PBX3: variants seen among roughly 807,000 people sequenced by gnomAD.
PBX3 encodes PBX homeobox 3.
In PBX3, 14 loss-of-function variants were observed where a neutral mutation model predicts 48.5. The ratio of observed to expected loss-of-function variants is 0.29; its 90% CI spans 0.19 to 0.45. PBX3 has a LOEUF of 0.45. Ranked by LOEUF, PBX3 falls within the 20% of genes least tolerant of loss-of-function variation. The probability of loss-of-function intolerance (pLI) is 1.00; values close to 1 mark genes in which losing one functional copy is unlikely to be tolerated. For synonymous variants in PBX3, 210 were observed against 200.3 expected (o/e 1.05, Z -0.41); for missense variants, 386 against 546.7 (o/e 0.71, Z 2.93).
At chr9:125,962,047 G>T in intron 6 of PBX3, 55 bp from the exon 7 acceptor site, 1 of 870,194 alleles carries the variant, frequency 1.1e-6, no homozygotes, top group Non-Finnish European at 1.9e-6. Flanking sequence ...CTAGGTCTTT[G>T]AGGATTATGT....
chr9:125,793,814 A>G (rs1588152171), intron 2 of PBX3, among the ~76,000 whole-genome samples: 1 of 152,112 alleles, frequency 6.6e-6, no homozygotes, highest in East Asian at 1.9e-4. Context: ...GTTTCTTTGT[A>G]CCCTTTGGGT....
intron 2 of PBX3, among the ~76,000 whole-genome samples, chr9:125,767,580 C>T (rs1485279796): frequency 3.3e-5 from 5 of 152,174 alleles, no homozygotes; most frequent in African/African-American, 1.2e-4. Flanking sequence ...ACCCACTGCT[C>T]ACTTTCTAGA....
At chr9:125,870,475 C>G (rs1173189445) in intron 2 of PBX3, among the ~76,000 whole-genome samples, 1 of 140,296 alleles carries the variant, frequency 7.1e-6, no homozygotes, top group Non-Finnish European at 1.5e-5. Flanking sequence ...TAGACACTGT[C>G]AAACAAACAA....
At chr9:125,841,965 A>T (rs993175732) in intron 2 of PBX3, among the ~76,000 whole-genome samples, 1 of 152,156 alleles carries the variant, frequency 6.6e-6, no homozygotes, top group Admixed American at 6.6e-5. Context: ...AATTTGAGTA[A>T]AAGACTATAT....
intron 2 of PBX3, among the ~76,000 whole-genome samples, chr9:125,899,441 G>A (rs1399955729): frequency 2.6e-5 from 2 of 76,500 alleles, no homozygotes; most frequent in African/African-American, 1.2e-4. Context: ...ATATATGTGT[G>A]TATATATATA....
intron 2 of PBX3, among the ~76,000 whole-genome samples, chr9:125,883,453 T>G (rs978561906): frequency 6.6e-6 from 1 of 152,200 alleles, no homozygotes; most frequent in African/African-American, 2.4e-5. Context: ...TCAGTGGTAC[T>G]TTTTTTCATG....
intron 2 of PBX3, among the ~76,000 whole-genome samples, chr9:125,852,715 A>G (rs1468863898): frequency 6.6e-6 from 1 of 152,158 alleles, no homozygotes; most frequent in Non-Finnish European, 1.5e-5. Context: ...GTTATGAAAC[A>G]TTTCCCAGGA....
At chr9:125,920,185 T>C (rs937102478) in intron 3 of PBX3, among the ~76,000 whole-genome samples, 2 of 152,238 alleles carry the variant, frequency 1.3e-5, no homozygotes, top group African/African-American at 4.8e-5. Flanking sequence ...TGCGGCAAAC[T>C]GTCTTATAGT....
chr9:125,792,442 C>T (rs1837639301), intron 2 of PBX3, among the ~76,000 whole-genome samples: 1 of 151,966 alleles, frequency 6.6e-6, no homozygotes, highest in African/African-American at 2.4e-5. Flanking sequence ...TAGTGGAGAT[C>T]AATTAAATAG....
chr9:125,841,004 A>G (rs147620827), intron 2 of PBX3, among the ~76,000 whole-genome samples: 3 of 152,236 alleles, frequency 2.0e-5, no homozygotes, highest in African/African-American at 7.2e-5. Flanking sequence ...GCATCTAACT[A>G]TATTGTTCTT....
chr9:125,782,326 A>G (rs1378019297), intron 2 of PBX3, among the ~76,000 whole-genome samples: 1 of 152,138 alleles, frequency 6.6e-6, no homozygotes, highest in Non-Finnish European at 1.5e-5. Flanking sequence ...GCCCCCCATG[A>G]TTCAATTACG....
intron 2 of PBX3, among the ~76,000 whole-genome samples, chr9:125,912,279 A>G (rs144107941): frequency 8.5e-5 from 13 of 152,266 alleles, no homozygotes; most frequent in African/African-American, 3.1e-4. Flanking sequence ...ATTAAACTCA[A>G]ACAGCCCCGT....
intron 2 of PBX3, among the ~76,000 whole-genome samples, chr9:125,791,301 G>GTCTGTCTATCTATCTATCTATCTATCTA (rs1179896723): frequency 9.2e-6 from 1 of 108,898 alleles, no homozygotes; most frequent in African/African-American, 3.0e-5. Flanking sequence ...CTGTCTGTCT[G>GTCTGTCTATCTATCTATCTATCTATCTA]TCTATCTATC....
At chr9:125,747,802 G>A in intron 1 of PBX3, 149 bp downstream of exon 1, 1 of 564,510 alleles carries the variant, frequency 1.8e-6, no homozygotes, top group African/African-American at 2.0e-5. Context: ...CGGCCTCGGG[G>A]GGACTTGCCC....
intron 2 of PBX3, among the ~76,000 whole-genome samples, chr9:125,858,875 C>T (rs1839793362): frequency 6.6e-6 from 1 of 152,204 alleles, no homozygotes; most frequent in Admixed American, 6.5e-5. Flanking sequence ...ATCCACCATC[C>T]TTTGCCTTGC....
chr9:125,927,668 T>A (rs1244545915), intron 3 of PBX3, among the ~76,000 whole-genome samples: 1 of 152,188 alleles, frequency 6.6e-6, no homozygotes, highest in Non-Finnish European at 1.5e-5. Flanking sequence ...TCTTCAGGAG[T>A]ATAAACTGAT....
Position 125,865,163 on chromosome 9 carries a change from A to C in PBX3, c.275-50523A>C, listed in dbSNP as rs74355649. 59 of 166,494 alleles carry C rather than the reference A, an allele frequency of 3.5e-4. 1 individual carries two copies. In the East Asian group the frequency reaches 9.8e-3, roughly 28 times the overall value. The allele number at this position is 166,494 out of a possible 1,614,324, so 10.3% of individuals were successfully genotyped here. A position where few individuals can be genotyped will look rare whatever the true frequency, so the allele number is the denominator to read the frequency against. ...AAGCTCTGGAATCTTCATGGAGAGA[A>C]CTCCTTTGGATTGGTTGATTTCATA... On this transcript the variant is annotated intron_variant, in intron 2 of 8. Transcript: ENST00000373489.
At chr9:125,800,487 T>C (rs948600771) in intron 2 of PBX3, among the ~76,000 whole-genome samples, 15 of 152,120 alleles carry the variant, frequency 9.9e-5, no homozygotes, top group Non-Finnish European at 2.9e-5. Context: ...ATAAAGAGTT[T>C]TTCTATTATT....
intron 4 of PBX3, among the ~76,000 whole-genome samples, chr9:125,934,280 G>T (rs2132525998): frequency 6.6e-6 from 1 of 152,224 alleles, no homozygotes; most frequent in Middle Eastern, 3.4e-3. Context: ...ACACCATTTT[G>T]ACTAGAAGAA....
Sources: allele counts gnomAD v4.1 joint callset (sites outside exome capture counted in the v4.1 genomes callset), GRCh38; gene constraint gnomAD v4.1.1; transcripts MANE v1.5; gene names NCBI Gene and HGNC (gene_info 2026-07-23, HGNC 2026-07-21).